MTUS2: variants seen among roughly 807,000 people sequenced by gnomAD.
The protein encoded by MTUS2 is microtubule associated scaffold protein 2.
A neutral mutation model predicts 114.1 loss-of-function variants in MTUS2; 40 were observed. That is an observed-to-expected ratio of 0.35 (90% CI 0.27 to 0.46). MTUS2 has a LOEUF of 0.46. Among genes scored for constraint, MTUS2 ranks in the 20% least tolerant of loss-of-function variants. The pLI, the probability that MTUS2 is intolerant of heterozygous loss-of-function variation, is 1.00. For synonymous variants in MTUS2, 688 were observed against 672.0 expected (o/e 1.02, Z -0.37); for missense variants, 1,679 against 1,705.4 (o/e 0.98, Z 0.27).
At chr13:28,889,570 C>T (rs542947872) in intron 2 of MTUS2, among the ~76,000 whole-genome samples, 3 of 152,216 alleles carry the variant, frequency 2.0e-5, no homozygotes, top group East Asian at 3.9e-4. Flanking sequence ...CCCTTGGTTT[C>T]TGTATCTCTT....
chr13:29,397,920 C>A (rs1874027520), intron 8 of MTUS2, among the ~76,000 whole-genome samples: 1 of 152,166 alleles, frequency 6.6e-6, no homozygotes, highest in Admixed American at 6.5e-5. Context: ...TATATTCTTT[C>A]ACATTTCAAT....
At chr13:28,995,997 A>G (rs759138588) in intron 2 of MTUS2, among the ~76,000 whole-genome samples, 6 of 152,142 alleles carry the variant, frequency 3.9e-5, no homozygotes, top group Non-Finnish European at 8.8e-5. Context: ...GAATGCTTCC[A>G]GTTTTTGTCC....
intron 9 of MTUS2, among the ~76,000 whole-genome samples, chr13:29,478,718 C>T (rs974090065): frequency 6.6e-6 from 1 of 152,142 alleles, no homozygotes; most frequent in Admixed American, 6.5e-5. Flanking sequence ...GCTCCAACCA[C>T]TCTGCCCTCG....
At chr13:29,103,294 A>G (rs957076659) in intron 5 of MTUS2, among the ~76,000 whole-genome samples, 2 of 152,194 alleles carry the variant, frequency 1.3e-5, no homozygotes, top group Admixed American at 6.5e-5. Flanking sequence ...TACTTGCACA[A>G]ACCTAGATGA....
rs570640763 is a variant in MTUS2, at chr13:29,482,257, G to T, written c.3399+1893G>T. 2.6e-5 allele frequency: 4 copies of T among 152,370 alleles called. No homozygotes were observed. In the East Asian group the frequency reaches 7.7e-4, roughly 29 times the overall value. 9.4% of individuals were successfully genotyped at this position (152,370 alleles called of 1,614,324 possible). A position where few individuals can be genotyped will look rare whatever the true frequency, so the allele number is the denominator to read the frequency against. On this transcript the variant is annotated intron_variant, in intron 10 of 15. Coordinates refer to ENST00000612955, the MANE Select transcript of MTUS2 (RefSeq NM_001033602.4). ...TGGAGCTGAGGCACGGCTGAGGGGA[G>T]CATCTCCACTCAGGGGCCAGGACGC...
At chr13:28,975,374 C>T (rs1884041773) in intron 2 of MTUS2, among the ~76,000 whole-genome samples, 1 of 152,246 alleles carries the variant, frequency 6.6e-6, no homozygotes, top group African/African-American at 2.4e-5. Context: ...TTGCCCGGCC[C>T]TGAAGTCCTG....
Position 29,025,712 on chromosome 13 carries a change from G to T in MTUS2, c.1014G>T (p.Glu338Asp). The change falls in exon 3 of 16, where the codon GAG (glutamate) becomes GAT (aspartate). Residue 338 changes from glutamate to aspartate, a missense_variant. Around this residue, in one of 3 missense-constraint regions of MTUS2, gnomAD observed 843 missense variants for 770.8 expected, o/e 1.09. Coordinates refer to ENST00000612955, the MANE Select transcript of MTUS2 (RefSeq NM_001033602.4). ...GGTATCTGGGATGCCACAAGGAAGA[G>T]AATCTGTCAGCCTTGGAGGGAAGGG... is the stretch of plus-strand genomic sequence containing the variant. ...QEGYLGCHKE[E>D]NLSALEGRDP... 2 of 1,614,016 alleles carry T rather than the reference G, an allele frequency of 1.2e-6. No homozygotes were observed. Among genetic ancestry groups the T allele is most frequent in the African/African-American group, 1.3e-5 (1 of 75,056 alleles).
intron 2 of MTUS2, among the ~76,000 whole-genome samples, chr13:28,884,667 G>A (rs1038977816): frequency 6.6e-6 from 1 of 152,158 alleles, no homozygotes; most frequent in Non-Finnish European, 1.5e-5. Flanking sequence ...TCTGAATGAA[G>A]TTTGTAGATG....
Position 28,845,656 on chromosome 13 carries a change from G to T in MTUS2, c.-243+5806G>T, listed in dbSNP as rs1322972122. On this transcript the variant is annotated intron_variant, in intron 2 of 15. Coordinates refer to ENST00000612955, the MANE Select transcript of MTUS2 (RefSeq NM_001033602.4). ...CCCTGTTATGTTCCCTCTCTGTTTTGTTTGTTTTTTTTTTTTAACCTAGAC... is the reference window on the plus strand; with the variant it reads ...CCCTGTTATGTTCCCTCTCTGTTTTTTTTGTTTTTTTTTTTTAACCTAGAC... Among the ~76,000 whole-genome samples, 23 of 150,368 alleles carry T rather than the reference G, an allele frequency of 1.5e-4. 1 individual carries two copies. The highest frequency in any genetic ancestry group is 4.9e-4 in the African/African-American group (20 of 40,824).
At chr13:28,825,782 C>A (rs1261331063) in intron 1 of MTUS2, among the ~76,000 whole-genome samples, 1 of 152,222 alleles carries the variant, frequency 6.6e-6, no homozygotes, top group Non-Finnish European at 1.5e-5. Flanking sequence ...AAACTCTCAA[C>A]AACCAAAACA....
At chr13:29,128,065 A>G (rs1891595331) in intron 5 of MTUS2, among the ~76,000 whole-genome samples, 1 of 152,218 alleles carries the variant, frequency 6.6e-6, no homozygotes, top group South Asian at 2.1e-4. Context: ...AAGGTGTCTA[A>G]GTTTGAGACA....
chr13:29,156,904 G>T (rs1892885541), intron 5 of MTUS2, among the ~76,000 whole-genome samples: 1 of 152,106 alleles, frequency 6.6e-6, no homozygotes, highest in South Asian at 2.1e-4. Context: ...TTCTGTGCCT[G>T]CTGTGAAACT....
rs1316529444 is a variant in MTUS2, at chr13:28,858,387, ATAGTTGGCTGAGTTCT to A, written c.-243+18539_-243+18554del. ...AACTATATTAATTGCATAGCAATTA[ATAGTTGGCTGAGTTCT>A]TTCATATAGTTATTTAAACTTGTAT... On this transcript the variant is annotated intron_variant, in intron 2 of 15. Coordinates refer to ENST00000612955, the MANE Select transcript of MTUS2 (RefSeq NM_001033602.4). 1.1e-3 allele frequency among the ~76,000 whole-genome samples: 162 copies of A among 152,314 alleles called. 1 individual carries two copies. Among genetic ancestry groups the A allele is most frequent in the African/African-American group, 3.8e-3 (158 of 41,568 alleles).
intron 5 of MTUS2, among the ~76,000 whole-genome samples, chr13:29,277,464 C>G (rs1338220979): frequency 4.6e-5 from 7 of 152,136 alleles, no homozygotes; most frequent in Non-Finnish European, 1.5e-5. Flanking sequence ...AGTAAAAGTT[C>G]AAGGTTGTGA....
intron 5 of MTUS2, among the ~76,000 whole-genome samples, chr13:29,108,343 A>C (rs765260017): frequency 1.3e-5 from 2 of 152,192 alleles, no homozygotes; most frequent in African/African-American, 2.4e-5. Flanking sequence ...GCACCCAGAG[A>C]TAGGATTAGA....
chr13:28,994,415 C>T (rs1267820827), intron 2 of MTUS2, among the ~76,000 whole-genome samples: 21 of 152,064 alleles, frequency 1.4e-4, no homozygotes, highest in Admixed American at 1.4e-3. Context: ...GGATATATAC[C>T]CAGTAATGGG....
intron 2 of MTUS2, among the ~76,000 whole-genome samples, chr13:28,968,895 T>A (rs994066177): frequency 6.6e-6 from 1 of 152,176 alleles, no homozygotes; most frequent in Non-Finnish European, 1.5e-5. Context: ...TAAAAGTAAA[T>A]GTGAAGTTTA....
chr13:29,046,179 G>A (rs1432917881), intron 4 of MTUS2, among the ~76,000 whole-genome samples: 2 of 150,024 alleles, frequency 1.3e-5, no homozygotes, highest in African/African-American at 2.5e-5. Flanking sequence ...AGTGCGTGAT[G>A]TCAGCTCACT....
chr13:29,306,762 G>C, intron 6 of MTUS2: 1 of 292,816 alleles, frequency 3.4e-6, no homozygotes, highest in South Asian at 2.9e-5. Context: ...ATTGCCAGCC[G>C]CATCCCTGAG....
Sources: allele counts gnomAD v4.1 joint callset (sites outside exome capture counted in the v4.1 genomes callset), GRCh38; gene constraint gnomAD v4.1.1; regional missense constraint gnomAD v4.1.1; transcripts MANE v1.5; gene names NCBI Gene and HGNC (gene_info 2026-07-23, HGNC 2026-07-21).